Variants in WIPF2 observed in about 807,000 individuals in gnomAD.
The protein encoded by WIPF2 is WAS/WASL-interacting protein family member 2.
Under a neutral mutation model 38.8 loss-of-function variants are expected in WIPF2, and 23 were observed. The ratio of observed to expected loss-of-function variants is 0.59; its 90% CI spans 0.43 to 0.84. The LOEUF is 0.84. Ranked by LOEUF, WIPF2 falls within the 40% of genes least tolerant of loss-of-function variation. The pLI is 0.00. For missense variants in WIPF2, 574 were observed against 580.5 expected (o/e 0.99, Z 0.11); for synonymous variants, 210 against 223.2 (o/e 0.94, Z 0.53).
intron 1 of WIPF2, among the ~76,000 whole-genome samples, chr17:40,241,400 C>T (rs1281158510): frequency 6.6e-6 from 1 of 152,218 alleles, no homozygotes; most frequent in Non-Finnish European, 1.5e-5. Flanking sequence ...TCCCCTAATA[C>T]TGCTTTTGTA....
In WIPF2 at chr17:40,277,723, C is replaced by CTTTT. The variant is rs528401568; in HGVS notation, c.1283-446_1283-443dup. ...ATTGCTTCTCATCATCTTCGTTGTCCTTTTTTTTTTTTTTTTTTTGAGATA... is the reference window on the plus strand; with the variant it reads ...ATTGCTTCTCATCATCTTCGTTGTCCTTTTTTTTTTTTTTTTTTTTTTTGAGATA... On this transcript the variant is annotated intron_variant, in intron 7 of 7. Transcript: ENST00000323571. Among the ~76,000 whole-genome samples, 62 of 97,614 alleles carry CTTTT rather than the reference C, an allele frequency of 6.4e-4. 6 individuals are homozygous for CTTTT. The highest frequency in any genetic ancestry group is 2.3e-3 in the African/African-American group (42 of 17,938). 64.0% of individuals were successfully genotyped at this position (97,614 alleles called of 152,430 possible). A position where few individuals can be genotyped will look rare whatever the true frequency, so the allele number is the denominator to read the frequency against.
At chr17:40,225,503 G>T (rs1184422814) in intron 1 of WIPF2, among the ~76,000 whole-genome samples, 1 of 152,104 alleles carries the variant, frequency 6.6e-6, no homozygotes, top group Non-Finnish European at 1.5e-5. Flanking sequence ...GCCAGGAATT[G>T]GTTTCTTCCT....
intron 1 of WIPF2, among the ~76,000 whole-genome samples, chr17:40,242,550 C>T (rs2145322693): frequency 6.6e-6 from 1 of 152,234 alleles, no homozygotes; most frequent in South Asian, 2.1e-4. Context: ...CAGGCGCCCG[C>T]CGCCACGCCT....
chr17:40,262,294 G>C (rs1165970024), intron 3 of WIPF2, among the ~76,000 whole-genome samples: 3 of 151,860 alleles, frequency 2.0e-5, no homozygotes, highest in African/African-American at 7.3e-5. Flanking sequence ...TATTGCCTAG[G>C]CTGCTCTCGA....
At chr17:40,257,742 C>CAAA (rs397857008) in intron 2 of WIPF2, among the ~76,000 whole-genome samples, 4 of 90,016 alleles carry the variant, frequency 4.4e-5, no homozygotes, top group East Asian at 6.6e-4. Context: ...GGCTCCATCT[C>CAAA]AAAAAAAAAA....
At chr17:40,231,976 A>G (rs530391056) in intron 1 of WIPF2, among the ~76,000 whole-genome samples, 5 of 148,850 alleles carry the variant, frequency 3.4e-5, no homozygotes, top group Non-Finnish European at 5.9e-5. Context: ...ATTACATTGA[A>G]AACAAGACCT....
At chr17:40,265,536 T>A (rs372357791) in intron 5 of WIPF2, among the ~76,000 whole-genome samples, 2 of 152,084 alleles carry the variant, frequency 1.3e-5, no homozygotes, top group African/African-American at 4.8e-5. Context: ...TTAGTAGTTA[T>A]CTAGGAGAAC....
At chr17:40,276,802 C>A (rs1420740762) in intron 6 of WIPF2, among the ~76,000 whole-genome samples, 1 of 152,046 alleles carries the variant, frequency 6.6e-6, no homozygotes, top group Non-Finnish European at 1.5e-5. Flanking sequence ...TGCACTCCAG[C>A]CTGGGTGACA....
chr17:40,237,769 A>G (rs1232737792), intron 1 of WIPF2, among the ~76,000 whole-genome samples: 1 of 148,346 alleles, frequency 6.7e-6, no homozygotes, highest in Non-Finnish European at 1.5e-5. Context: ...CCTCAGCCTC[A>G]TAAGTAGCTG....
chr17:40,251,256 C>T (rs370613176), intron 1 of WIPF2, among the ~76,000 whole-genome samples: 1 of 151,880 alleles, frequency 6.6e-6, no homozygotes, highest in Non-Finnish European at 1.5e-5. Context: ...TTCCAGAAGG[C>T]TCAAATTTGT....
chr17:40,277,984 C>T (rs2032457765), intron 7 of WIPF2, among the ~76,000 whole-genome samples: 2 of 152,238 alleles, frequency 1.3e-5, no homozygotes, highest in Non-Finnish European at 2.9e-5. Context: ...CCTCGGCCTC[C>T]CAAAGTGCTG....
At chr17:40,270,601 T>G (rs2032222725) in intron 5 of WIPF2, among the ~76,000 whole-genome samples, 1 of 152,168 alleles carries the variant, frequency 6.6e-6, no homozygotes. Flanking sequence ...TGCCCTGGCC[T>G]AGGAGTAGAT....
intron 1 of WIPF2, among the ~76,000 whole-genome samples, chr17:40,228,847 C>T (rs1052107563): frequency 4.6e-5 from 7 of 151,614 alleles, no homozygotes; most frequent in Non-Finnish European, 1.0e-4. Flanking sequence ...TGAACTCGGG[C>T]TTAAGCAGTC....
chr17:40,249,172 A>G (rs1287695208), intron 1 of WIPF2, among the ~76,000 whole-genome samples: 1 of 152,204 alleles, frequency 6.6e-6, no homozygotes, highest in Admixed American at 6.6e-5. Flanking sequence ...TTTTAAAATA[A>G]CTTGCAATTG....
chr17:40,274,658 A>G (rs899804089), intron 6 of WIPF2, among the ~76,000 whole-genome samples: 1 of 150,384 alleles, frequency 6.6e-6, no homozygotes, highest in African/African-American at 2.4e-5. Context: ...TAAAGAAAAA[A>G]GGATTGGGCG....
At chr17:40,265,244 A>G (rs2032051320) in intron 5 of WIPF2, 98 bp downstream of exon 5, 9 of 1,418,496 alleles carry the variant, frequency 6.3e-6, no homozygotes, top group Non-Finnish European at 8.6e-6. Context: ...TTATTCACTC[A>G]GTGGGTTTAT....
intron 1 of WIPF2, among the ~76,000 whole-genome samples, chr17:40,246,148 G>T (rs147149168): frequency 6.8e-6 from 1 of 146,850 alleles, no homozygotes; most frequent in African/African-American, 2.5e-5. Context: ...GTGCAGTGGC[G>T]TGATCTCGGC....
rs60253561 is a variant in WIPF2 at position 40,219,368 on chromosome 17, TGGC to T, written c.-165_-163del. 0.011 allele frequency: 4,031 copies of T among 374,118 alleles called. 17 individuals are homozygous for T. The highest frequency in any genetic ancestry group is 0.017 in the African/African-American group (734 of 42,776). 23.2% of individuals were successfully genotyped at this position (374,118 alleles called of 1,614,324 possible). Reference sequence around the variant, plus strand: ...ATTTCCGGGTTGGCAAAAGGGGCGGTGGCGGCGGCGGCGGCGGCGGCGGCGGCG... The same window carrying T: ...ATTTCCGGGTTGGCAAAAGGGGCGGTGGCGGCGGCGGCGGCGGCGGCGGCG... On this transcript the variant is annotated 5_prime_UTR_variant, in exon 1 of 8. Coordinates refer to ENST00000323571, the MANE Select transcript of WIPF2 (RefSeq NM_133264.5).
rs771234374 is a variant in WIPF2, at chr17:40,264,482, A to G, written c.314-8A>G. 25 of 1,613,802 alleles carry G rather than the reference A, an allele frequency of 1.5e-5. No individual in the cohort carries two copies. In the East Asian group the frequency reaches 3.8e-4, roughly 24 times the overall value. On this transcript the variant is annotated splice_polypyrimidine_tract_variant and splice_region_variant and intron_variant, in intron 4 of 7. Transcript: ENST00000323571. Reference sequence around the variant, plus strand: ...TCTGTTGACCCTGTGTTGTCTATGTATTTGTAGAGAACCTAGCTGGTAAGC... The same window carrying G: ...TCTGTTGACCCTGTGTTGTCTATGTGTTTGTAGAGAACCTAGCTGGTAAGC...
Sources: gnomAD v4.1 joint callset for allele counts (sites outside exome capture counted in the v4.1 genomes callset) on GRCh38, gnomAD v4.1.1 for gene constraint, MANE v1.5 for transcripts, NCBI Gene and HGNC (gene_info 2026-07-23, HGNC 2026-07-21) for gene names.